Variants in COP1 observed in about 807,000 individuals in gnomAD.
The protein encoded by COP1 is COP1 E3 ubiquitin ligase, also known as E3 ubiquitin-protein ligase COP1.
Under a neutral mutation model 101.3 loss-of-function variants are expected in COP1, and 24 were observed. The ratio of observed to expected loss-of-function variants is 0.24; its 90% CI spans 0.17 to 0.33. COP1 has a LOEUF of 0.33. COP1 is among the 10% of genes least tolerant of loss of function. COP1 has a pLI of 1.00. For synonymous variants in COP1, 347 were observed against 341.9 expected (o/e 1.01, Z -0.17); for missense variants, 663 against 906.2 (o/e 0.73, Z 3.45).
At chr1:176,008,162 T>C (rs1018371481) in intron 15 of COP1, among the ~76,000 whole-genome samples, 5 of 152,234 alleles carry the variant, frequency 3.3e-5, no homozygotes, top group Admixed American at 1.3e-4. Context: ...CCTGACCCCT[T>C]GCGCTTCCCA....
At chr1:176,178,346 A>AT (rs935813876) in intron 2 of COP1, among the ~76,000 whole-genome samples, 30 of 139,864 alleles carry the variant, frequency 2.1e-4, no homozygotes, top group Admixed American at 9.1e-4. Flanking sequence ...TACAAAAAAA[A>AT]AAAAATAATA....
chr1:176,140,203 T>C (rs958096696), intron 6 of COP1, among the ~76,000 whole-genome samples: 1 of 152,174 alleles, frequency 6.6e-6, no homozygotes, highest in Non-Finnish European at 1.5e-5. Flanking sequence ...TTGTTACATA[T>C]GAAGGCTTCT....
rs138909538 is a variant in COP1, at chr1:175,980,481, C to T, written c.2133+6462G>A. Among the ~76,000 whole-genome samples, 400 of 152,214 alleles carry T rather than the reference C, an allele frequency of 2.6e-3. 3 individuals carry two copies. The highest frequency in any genetic ancestry group is 9.2e-3 in the African/African-American group (382 of 41,550). ...TGATGTAACTGAAAACAAAGGTGCACAGTTATAACTGCATAGAAAGTATTA... is the reference window on the plus strand; with the variant it reads ...TGATGTAACTGAAAACAAAGGTGCATAGTTATAACTGCATAGAAAGTATTA... On this transcript the variant is annotated intron_variant, in intron 18 of 19. Transcript: ENST00000367669.
chr1:176,093,484 G>A (rs529831264), intron 9 of COP1, among the ~76,000 whole-genome samples: 17 of 151,808 alleles, frequency 1.1e-4, no homozygotes, highest in Admixed American at 2.0e-4. Flanking sequence ...TGAGGTGGGC[G>A]GATTACAAGG....
Position 176,124,854 on chromosome 1 carries a change from T to C in COP1, c.969-8173A>G, listed in dbSNP as rs190745519. Reference sequence around the variant, plus strand: ...TGAGGAACCTCCAAACCATTCTCCATAGTGGTTGTACTAAATTACATTCCC... The same window carrying C: ...TGAGGAACCTCCAAACCATTCTCCACAGTGGTTGTACTAAATTACATTCCC... On this transcript the variant is annotated intron_variant, in intron 8 of 19. Transcript: ENST00000367669. Among the ~76,000 whole-genome samples, 220 of 152,326 alleles carry C rather than the reference T, an allele frequency of 1.4e-3. 1 individual carries two copies. Among genetic ancestry groups the C allele is most frequent in the Non-Finnish European group, 2.9e-3 (195 of 68,028 alleles).
At chr1:176,042,250 G>A (rs12144882) in intron 14 of COP1, among the ~76,000 whole-genome samples, 21,330 of 113,526 alleles carry the variant, frequency 0.19, 1,809 homozygotes, top group East Asian at 0.37. Flanking sequence ...CAGCCTGGGC[G>A]ACACAGCGAA....
At chr1:175,957,279 C>A (rs1395442615) in intron 18 of COP1, among the ~76,000 whole-genome samples, 1 of 151,950 alleles carries the variant, frequency 6.6e-6, no homozygotes, top group East Asian at 1.9e-4. Context: ...TCTACTCCAC[C>A]AAGCTCCATT....
chr1:175,990,268 T>G (rs1658080825), intron 15 of COP1, among the ~76,000 whole-genome samples: 1 of 152,116 alleles, frequency 6.6e-6, no homozygotes, highest in South Asian at 2.1e-4. Flanking sequence ...AAGTAACTAT[T>G]GTTGATTTTT....
At chr1:176,017,338 A>G (rs1665837800) in intron 15 of COP1, 1 of 152,158 alleles carries the variant, frequency 6.6e-6, no homozygotes, top group South Asian at 2.1e-4. Flanking sequence ...GGCTTCTCAG[A>G]TGCTTGAGAG....
At chr1:176,103,194 A>T (rs1683706901) in intron 9 of COP1, among the ~76,000 whole-genome samples, 1 of 152,194 alleles carries the variant, frequency 6.6e-6, no homozygotes, top group Non-Finnish European at 1.5e-5. Context: ...TGATATCAGC[A>T]TCTTTTGTTA....
At chr1:176,174,001 A>AG (rs1185393754) in intron 3 of COP1, among the ~76,000 whole-genome samples, 5 of 149,930 alleles carry the variant, frequency 3.3e-5, no homozygotes, top group Admixed American at 1.3e-4. Context: ...AAAAAAAAAA[A>AG]AAAAAAAGAG....
At chr1:175,977,602 T>A (rs939164239) in intron 18 of COP1, among the ~76,000 whole-genome samples, 4 of 152,016 alleles carry the variant, frequency 2.6e-5, no homozygotes, top group African/African-American at 9.7e-5. Context: ...AAAGATCACA[T>A]CAATATAGGA....
chr1:175,959,181 C>A (rs1053262711), intron 18 of COP1, among the ~76,000 whole-genome samples: 21 of 151,630 alleles, frequency 1.4e-4, no homozygotes, highest in African/African-American at 4.8e-4. Flanking sequence ...AAAATTTCAC[C>A]TACTAGATCA....
intron 11 of COP1, among the ~76,000 whole-genome samples, chr1:176,059,959 T>C (rs1674551820): frequency 6.6e-6 from 1 of 152,194 alleles, no homozygotes; most frequent in Non-Finnish European, 1.5e-5. Flanking sequence ...GACTCGCAGG[T>C]ATTAGTTTGC....
intron 15 of COP1, among the ~76,000 whole-genome samples, chr1:175,990,992 T>A (rs1658298653): frequency 2.0e-5 from 3 of 152,034 alleles, no homozygotes; most frequent in Admixed American, 6.6e-5. Context: ...TATTAATAGG[T>A]TGCACATCTG....
chr1:175,989,728 AAT>A (rs1334271793), intron 15 of COP1, among the ~76,000 whole-genome samples: 1 of 152,184 alleles, frequency 6.6e-6, no homozygotes, highest in Non-Finnish European at 1.5e-5. Flanking sequence ...AAAAAATGTT[AAT>A]ATAAACATTA....
intron 14 of COP1, among the ~76,000 whole-genome samples, chr1:176,029,921 C>A (rs1327106658): frequency 1.3e-5 from 2 of 151,916 alleles, no homozygotes; most frequent in Non-Finnish European, 2.9e-5. Context: ...AAACTAAGAC[C>A]CTCAATATTA....
intron 6 of COP1, among the ~76,000 whole-genome samples, chr1:176,148,120 C>A (rs1342111448): frequency 6.6e-6 from 1 of 151,464 alleles, no homozygotes; most frequent in African/African-American, 2.4e-5. Flanking sequence ...AAATTTATAA[C>A]AGATGTTTGT....
intron 3 of COP1, among the ~76,000 whole-genome samples, chr1:176,174,084 T>C (rs1696574208): frequency 7.4e-6 from 1 of 135,374 alleles, no homozygotes; most frequent in Non-Finnish European, 1.7e-5. Context: ...CATACTCATA[T>C]ATAACTCTCT....
Sources: allele counts gnomAD v4.1 joint callset (sites outside exome capture counted in the v4.1 genomes callset), GRCh38; gene constraint gnomAD v4.1.1; transcripts MANE v1.5; gene names NCBI Gene and HGNC (gene_info 2026-07-23, HGNC 2026-07-21).